PRELID2: variants seen among roughly 807,000 people sequenced by gnomAD.
The protein encoded by PRELID2 is PRELI domain-containing protein 2.
PRELID2 carries 25 observed loss-of-function variants against 28.4 expected under a neutral mutation model. That is an observed-to-expected ratio of 0.88 (90% CI 0.64 to 1.23). The LOEUF is 1.23. PRELID2 is among the 50% of genes most tolerant of loss of function. The pLI is 0.00. For synonymous variants in PRELID2, 76 were observed against 71.6 expected, an observed-to-expected ratio of 1.06 and a Z score of -0.31; for missense variants, 201 against 214.4, an observed-to-expected ratio of 0.94 and a Z score of 0.39.
Position 145,673,999 on chromosome 5 carries a change from T to C in PRELID2, n.70+90932A>G, listed in dbSNP as rs143212254. Among the ~76,000 whole-genome samples, 205 of 152,244 alleles carry C rather than the reference T, an allele frequency of 1.3e-3. 2 individuals are homozygous for C. Among genetic ancestry groups the C allele is most frequent in the African/African-American group, 4.8e-3 (201 of 41,542 alleles). ...AAAGTTAACTTTCATACTTAGTGAG[T>C]GCCAATAAAATGTCATCAGGTTTTT... On this transcript the variant is annotated intron_variant and non_coding_transcript_variant, in intron 1 of 2. Coordinates refer to the PRELID2 transcript ENST00000510259.
intron 1 of PRELID2, among the ~76,000 whole-genome samples, chr5:145,747,004 A>G (rs1004577354): frequency 2.0e-5 from 3 of 152,220 alleles, no homozygotes; most frequent in Non-Finnish European, 4.4e-5. Flanking sequence ...GAGACAATGA[A>G]CCAGAATCTC....
At chr5:145,835,002 G>C (rs1273384166) in intron 1 of PRELID2, 175 bp downstream of exon 1, 1 of 506,814 alleles carries the variant, frequency 2.0e-6, no homozygotes, top group African/African-American at 2.0e-5. Flanking sequence ...CCCTTTTCCC[G>C]CTCCCTGTAA....
At chr5:145,690,577 G>T (rs573994214) in intron 1 of PRELID2, among the ~76,000 whole-genome samples, 29 of 152,188 alleles carry the variant, frequency 1.9e-4, no homozygotes, top group Non-Finnish European at 3.5e-4. Flanking sequence ...TCAACATGGA[G>T]AGCACAAAAT....
the PRELID2 span, among the ~76,000 whole-genome samples, chr5:145,309,026 T>A: frequency 6.6e-6 from 1 of 152,216 alleles, no homozygotes; most frequent in Non-Finnish European, 1.5e-5. Context: ...CTCTTTTGTA[T>A]GTAAAACTGG....
chr5:145,633,259 T>C (rs1313214041), intron 1 of PRELID2, among the ~76,000 whole-genome samples: 1 of 152,170 alleles, frequency 6.6e-6, no homozygotes, highest in East Asian at 1.9e-4. Context: ...TGTAAGCCAC[T>C]AAATCCATAA....
intron 1 of PRELID2, among the ~76,000 whole-genome samples, chr5:145,508,828 C>T (rs889699380): frequency 1.8e-4 from 28 of 152,192 alleles, no homozygotes; most frequent in African/African-American, 6.5e-4. Flanking sequence ...AATGGTGGAC[C>T]AAAAATAACC....
intron 1 of PRELID2, among the ~76,000 whole-genome samples, chr5:145,561,534 C>G (rs1473823706): frequency 2.0e-5 from 3 of 152,144 alleles, no homozygotes; most frequent in Non-Finnish European, 2.9e-5. Context: ...ATTAACAGTA[C>G]TAGGTGCCAG....
At chr5:145,787,170 C>T (rs569228102) in intron 5 of PRELID2, among the ~76,000 whole-genome samples, 3 of 152,256 alleles carry the variant, frequency 2.0e-5, no homozygotes, top group South Asian at 4.2e-4. Flanking sequence ...ACAAAAAACA[C>T]GTCTATGCGA....
At chr5:145,783,767 A>ACTAACACACC (rs1186415689) in intron 5 of PRELID2, among the ~76,000 whole-genome samples, 15 of 152,364 alleles carry the variant, frequency 9.8e-5, no homozygotes, top group Admixed American at 7.8e-4. Context: ...TAGTCAGTAT[A>ACTAACACACC]CTATCACACC....
intron 1 of PRELID2, among the ~76,000 whole-genome samples, chr5:145,648,951 C>T (rs1664422320): frequency 1.3e-5 from 2 of 151,812 alleles, no homozygotes; most frequent in Non-Finnish European, 2.9e-5. Context: ...GAGTGATAAC[C>T]ATGCAGTAGA....
At chr5:145,525,536 C>T (rs752876315) in intron 1 of PRELID2, among the ~76,000 whole-genome samples, 25 of 152,168 alleles carry the variant, frequency 1.6e-4, no homozygotes, top group Non-Finnish European at 3.4e-4. Context: ...TACAAACTTT[C>T]TTGTTCTTGG....
At chr5:145,750,858 C>T (rs1757106418) in intron 1 of PRELID2, among the ~76,000 whole-genome samples, 1 of 152,156 alleles carries the variant, frequency 6.6e-6, no homozygotes. Context: ...CACAACACAG[C>T]TTCATTAGTT....
Position 145,676,240 on chromosome 5 carries a change from A to AAC in PRELID2, n.70+88690_70+88691insGT, listed in dbSNP as rs1554082906. Among the ~76,000 whole-genome samples the AAC allele has an allele frequency of 8.4e-3, 1,248 of 147,842 alleles. 55 individuals carry two copies. Among genetic ancestry groups the AAC allele is most frequent in the African/African-American group, 0.031 (1,186 of 38,686 alleles). On this transcript the variant is annotated intron_variant and non_coding_transcript_variant, in intron 1 of 2. Transcript: ENST00000510259. ...CATCTCAAAAAAAAAAAAAAAAAAA[A>AAC]AATAATGTGTCTCATTGTTTGTGTG...
intron 1 of PRELID2, among the ~76,000 whole-genome samples, chr5:145,634,427 T>C (rs1356642999): frequency 6.6e-6 from 1 of 152,156 alleles, no homozygotes; most frequent in Non-Finnish European, 1.5e-5. Flanking sequence ...CAACAAGTAT[T>C]GAACTAACTT....
chr5:145,705,191 G>T (rs1342221340), intron 1 of PRELID2, among the ~76,000 whole-genome samples: 6 of 151,512 alleles, frequency 4.0e-5, no homozygotes, highest in African/African-American at 1.5e-4. Context: ...AACCCAAAAA[G>T]TACCTTTTTT....
At chr5:145,582,371 C>G (rs1424503358) in intron 1 of PRELID2, among the ~76,000 whole-genome samples, 2 of 151,974 alleles carry the variant, frequency 1.3e-5, no homozygotes, top group African/African-American at 2.4e-5. Flanking sequence ...AGAGAGCAAA[C>G]AGGGAAGTTC....
the PRELID2 span, among the ~76,000 whole-genome samples, chr5:145,393,005 C>T: frequency 6.6e-6 from 1 of 152,182 alleles, no homozygotes; most frequent in African/African-American, 2.4e-5. Context: ...CCCCATTGCA[C>T]CTTGCTACTT....
chr5:145,231,650 G>A, the PRELID2 span, among the ~76,000 whole-genome samples: 1,092 of 152,192 alleles, frequency 7.2e-3, 10 homozygotes, highest in African/African-American at 0.024. Flanking sequence ...ACATTGGACA[G>A]TCAACCTCTG....
chr5:145,504,856 A>G (rs926500846), intron 1 of PRELID2, among the ~76,000 whole-genome samples: 3 of 152,106 alleles, frequency 2.0e-5, no homozygotes, highest in African/African-American at 7.2e-5. Flanking sequence ...GTTTCCTGGG[A>G]TGGTGCCTAC....
Sources: gnomAD v4.1 joint callset for allele counts (sites outside exome capture counted in the v4.1 genomes callset) on GRCh38, gnomAD v4.1.1 for gene constraint, MANE v1.5 for transcripts, NCBI Gene and HGNC (gene_info 2026-07-23, HGNC 2026-07-21) for gene names.